The following DOCK3 variants were observed in gnomAD, a reference collection of about 807,000 sequenced individuals.
DOCK3 encodes the protein dedicator of cytokinesis 3, also known as dedicator of cytokinesis protein 3.
A neutral mutation model predicts 265.6 loss-of-function variants in DOCK3; 60 were observed. That is an observed-to-expected ratio of 0.23 (90% CI 0.18 to 0.28). The LOEUF is 0.28. DOCK3 is among the 10% of genes least tolerant of loss of function. The pLI is 1.00. For missense variants in DOCK3, 1,981 were observed against 2,594.3 expected, an observed-to-expected ratio of 0.76 and a Z score of 5.14; for synonymous variants, 881 against 938.0, an observed-to-expected ratio of 0.94 and a Z score of 1.11.
Position 51,374,737 on chromosome 3 carries a change from G to A in DOCK3, c.5412+150G>A. On this transcript the variant is annotated intron_variant, in intron 50 of 52. Transcript: ENST00000266037. The surrounding 1 kb of genome is among the most constrained non-coding windows in gnomAD (Gnocchi z 4.8). ...AAAAGGCCGCTGGGCTTCTGGATGT[G>A]GAGTGCAGTGAACCTGAGGACCAGC... 1 of 743,586 alleles carries A rather than the reference G, an allele frequency of 1.3e-6. No individual in the cohort carries two copies. Among genetic ancestry groups the A allele is most frequent in the Non-Finnish European group, 2.2e-6 (1 of 447,784 alleles). The allele number at this position is 743,586 out of a possible 1,614,324, so 46.1% of individuals were successfully genotyped here.
chr3:51,112,147 G>A (rs369652592), intron 9 of DOCK3, among the ~76,000 whole-genome samples: 2 of 152,146 alleles, frequency 1.3e-5, no homozygotes, highest in African/African-American at 2.4e-5. Flanking sequence ...GGAAAGTAGT[G>A]TGGCAGTTCC....
intron 49 of DOCK3, among the ~76,000 whole-genome samples, chr3:51,369,533 T>C (rs764144709): frequency 1.6e-4 from 25 of 152,068 alleles, no homozygotes; most frequent in Non-Finnish European, 3.5e-4. Flanking sequence ...CCCCAAGAAA[T>C]ATGGGACTAT....
At chr3:51,342,019 G>C (rs2085275668) in intron 38 of DOCK3, among the ~76,000 whole-genome samples, 1 of 152,126 alleles carries the variant, frequency 6.6e-6, no homozygotes, top group African/African-American at 2.4e-5. Context: ...TGTTAGATGG[G>C]GCCCTTGTGC....
At position 50,847,536 on chromosome 3, in the gene DOCK3, G is replaced by A. The variant is rs147025417; in HGVS notation, c.162+5821G>A. On this transcript the variant is annotated intron_variant, in intron 3 of 52. Transcript: ENST00000266037. ...TCAAGTGTTGAGTTTAAATCCAGATGTTATTTGTTAGTTTTCTGTCTCAGT... is the reference window on the plus strand; with the variant it reads ...TCAAGTGTTGAGTTTAAATCCAGATATTATTTGTTAGTTTTCTGTCTCAGT... Among the ~76,000 whole-genome samples the A allele has an allele frequency of 2.0e-4, 30 of 152,210 alleles. No individual in the cohort carries two copies. In the East Asian group the frequency reaches 5.0e-3, roughly 26 times the overall value.
chr3:50,847,923 G>T (rs2046168411), intron 3 of DOCK3, among the ~76,000 whole-genome samples: 1 of 147,560 alleles, frequency 6.8e-6, no homozygotes, highest in Non-Finnish European at 1.5e-5. Context: ...GTTATTGTGA[G>T]GTTGTCTAAG....
At chr3:50,901,670 G>A (rs929481544) in intron 4 of DOCK3, 1 of 454,242 alleles carries the variant, frequency 2.2e-6, no homozygotes, top group South Asian at 1.6e-5. Flanking sequence ...AACTGGGCTG[G>A]AGTGCACTGT....
intron 52 of DOCK3, 41 bp downstream of exon 52, chr3:51,380,248 A>T: frequency 1.3e-6 from 2 of 1,574,954 alleles, no homozygotes; most frequent in Non-Finnish European, 1.7e-6. Context: ...CTGTGAGATG[A>T]GTCATCTCGT....
intron 37 of DOCK3, among the ~76,000 whole-genome samples, chr3:51,339,894 CAG>C (rs1421065524): frequency 6.6e-6 from 1 of 152,214 alleles, no homozygotes; most frequent in African/African-American, 2.4e-5. Context: ...TTTGTAGAAA[CAG>C]AGAATCCTCC....
At chr3:51,314,428 C>T (rs891886797) in intron 31 of DOCK3, among the ~76,000 whole-genome samples, 42 of 152,204 alleles carry the variant, frequency 2.8e-4, no homozygotes, top group Non-Finnish European at 1.5e-5. Flanking sequence ...CAGGAGACTC[C>T]TGCTAGCTCA....
At chr3:51,358,162 G>A in intron 46 of DOCK3, 85 bp downstream of exon 46, 1 of 1,386,698 alleles carries the variant, frequency 7.2e-7, no homozygotes, top group African/African-American at 1.4e-5. Flanking sequence ...AAGGAAAATA[G>A]GAGAGAGGGA....
Position 51,361,609 on chromosome 3 carries a change from G to A in DOCK3, c.5007-250G>A, listed in dbSNP as rs1458907909. Reference sequence around the variant, plus strand: ...ATGTCATGCAACTGAGTGGCCATAAGCCATGTAGCTGTAGGTAGAGGCTTG... The same window carrying A: ...ATGTCATGCAACTGAGTGGCCATAAACCATGTAGCTGTAGGTAGAGGCTTG... On this transcript the variant is annotated intron_variant, in intron 47 of 52. Coordinates refer to ENST00000266037, the MANE Select transcript of DOCK3 (RefSeq NM_004947.5). The surrounding 1 kb of genome is among the most constrained non-coding windows in gnomAD (Gnocchi z 4.2). Among the ~76,000 whole-genome samples the A allele has an allele frequency of 6.6e-6, 1 of 152,134 alleles. No homozygotes were observed. Among genetic ancestry groups the A allele is most frequent in the Non-Finnish European group, 1.5e-5 (1 of 68,006 alleles).
At chr3:50,919,668 T>C (rs955379562) in intron 4 of DOCK3, among the ~76,000 whole-genome samples, 5 of 152,210 alleles carry the variant, frequency 3.3e-5, no homozygotes, top group African/African-American at 9.6e-5. Flanking sequence ...GATAGGGTTT[T>C]CTAACTATAC....
intron 6 of DOCK3, among the ~76,000 whole-genome samples, chr3:51,071,553 A>C (rs2081866168): frequency 6.6e-6 from 1 of 152,172 alleles, no homozygotes. Flanking sequence ...TGGGGATAAT[A>C]ATTAAAATAA....
intron 50 of DOCK3, among the ~76,000 whole-genome samples, 177 bp from the exon 51 acceptor site, chr3:51,375,571 G>A: frequency 6.6e-6 from 1 of 152,164 alleles, no homozygotes. Context: ...AGACACCCTG[G>A]ACAGTCTTTC....
chr3:50,851,839 A>G (rs2046369835), intron 3 of DOCK3, among the ~76,000 whole-genome samples: 1 of 152,344 alleles, frequency 6.6e-6, no homozygotes, highest in South Asian at 2.1e-4. Flanking sequence ...CTCTGGTTCA[A>G]GACTAAAATT....
chr3:50,796,274 G>C (rs758046922), intron 2 of DOCK3, among the ~76,000 whole-genome samples: 1 of 151,450 alleles, frequency 6.6e-6, no homozygotes, highest in Non-Finnish European at 1.5e-5. Flanking sequence ...CTCGTGATCC[G>C]CCCCCCTCGG....
intron 4 of DOCK3, among the ~76,000 whole-genome samples, chr3:50,908,971 C>T (rs930028836): frequency 2.6e-5 from 4 of 151,720 alleles, no homozygotes; most frequent in Admixed American, 2.0e-4. Flanking sequence ...TATGTAATGC[C>T]CTTCTTTGTC....
At chr3:51,304,714 G>T (rs1164209881) in intron 27 of DOCK3, among the ~76,000 whole-genome samples, 2 of 152,166 alleles carry the variant, frequency 1.3e-5, no homozygotes, top group Non-Finnish European at 2.9e-5. Context: ...GTGGTGGGGG[G>T]CCCCCTTACC....
chr3:51,355,826 G>C (rs2086323505), intron 41 of DOCK3, among the ~76,000 whole-genome samples: 1 of 152,198 alleles, frequency 6.6e-6, no homozygotes, highest in Non-Finnish European at 1.5e-5. Flanking sequence ...GGGCACCAGA[G>C]AACACTTGGC....
Sources: allele counts gnomAD v4.1 joint callset (sites outside exome capture counted in the v4.1 genomes callset), GRCh38; gene constraint gnomAD v4.1.1; non-coding constraint Gnocchi (gnomAD v3.1); transcripts MANE v1.5; gene names NCBI Gene and HGNC (gene_info 2026-07-23, HGNC 2026-07-21).